SYMPK: variants seen among roughly 807,000 people sequenced by gnomAD.
SYMPK encodes symplekin.
In SYMPK, 49 loss-of-function variants were observed where a neutral mutation model predicts 136.4. The ratio of observed to expected loss-of-function variants is 0.36; its 90% confidence interval spans 0.29 to 0.46. The LOEUF (loss-of-function observed/expected upper bound fraction) is 0.46, where lower values mean the gene tolerates loss of function less well. Among genes scored for constraint, SYMPK ranks in the 20% least tolerant of loss-of-function variants. The pLI is 1.00. For missense variants in SYMPK, 1,365 were observed against 1,690.0 expected (o/e 0.81, Z 3.37); for synonymous variants, 766 against 713.0 (o/e 1.07, Z -1.19).
chr19:45,843,227 T>C (rs945422757), intron 8 of SYMPK, among the ~76,000 whole-genome samples: 6 of 152,166 alleles, frequency 3.9e-5, no homozygotes, highest in African/African-American at 1.4e-4. Flanking sequence ...AGCCATGAAC[T>C]ATGGGGGGCC....
chr19:45,829,966 A>T (rs2146313569), intron 13 of SYMPK, 88 bp downstream of exon 13: 1 of 1,438,030 alleles, frequency 7.0e-7, no homozygotes, highest in African/African-American at 1.4e-5. Context: ...GGGAGGTTTG[A>T]CGCCAGGGCC....
At chr19:45,823,998 T>A in intron 18 of SYMPK, 123 bp from the exon 19 acceptor site, 2 of 527,978 alleles carry the variant, frequency 3.8e-6, no homozygotes, top group East Asian at 4.2e-5. Flanking sequence ...TGACAGGGTT[T>A]GGAGGGCGGG....
intron 1 of SYMPK, among the ~76,000 whole-genome samples, chr19:45,862,786 G>A (rs1383351631): frequency 1.3e-5 from 2 of 152,248 alleles, no homozygotes; most frequent in Non-Finnish European, 2.9e-5. Context: ...GGAACCGAAA[G>A]GCCAGGGCGG....
chr19:45,824,168 G>A (rs763458828), intron 18 of SYMPK: 23 of 344,948 alleles, frequency 6.7e-5, no homozygotes, highest in Non-Finnish European at 1.1e-4. Context: ...TGCCCACCCT[G>A]TGCTTCGTTC....
At chr19:45,820,558 C>T (rs1462678396) in intron 22 of SYMPK, 1 of 152,582 alleles carries the variant, frequency 6.6e-6, no homozygotes, top group East Asian at 1.9e-4. Flanking sequence ...GGACAGCAGT[C>T]TTCTGAGTAT....
At chr19:45,862,327 C>A (rs1971985416) in intron 1 of SYMPK, among the ~76,000 whole-genome samples, 1 of 152,106 alleles carries the variant, frequency 6.6e-6, no homozygotes, top group Non-Finnish European at 1.5e-5. Context: ...GAAGTGGTAC[C>A]CTGCCCCACT....
In SYMPK at chr19:45,815,675, G is replaced by T; in HGVS notation, c.3710C>A (p.Thr1237Asn). ...CTGGGGGCTCCGCTCCTCCTTCAAG[G>T]TCAGCCCGCCCGCTGCCGTCTCCTG... ...LPKETAAGGL[T>N]LKEERSPQTL... Residue 1237 changes from threonine to asparagine, a missense_variant, in exon 27 of 27, where the codon ACC becomes AAC. Coordinates refer to ENST00000245934, the MANE Select transcript of SYMPK (RefSeq NM_004819.3). 6.2e-7 allele frequency: 1 copy of T among 1,610,192 alleles called. No homozygotes were observed. The highest frequency in any genetic ancestry group is 8.5e-7 in the Non-Finnish European group (1 of 1,178,938).
At chr19:45,825,037 A>T in intron 18 of SYMPK, 134 bp downstream of exon 18, 1 of 1,112,152 alleles carries the variant, frequency 9.0e-7, no homozygotes, top group Non-Finnish European at 1.3e-6. Context: ...CAAGCTACAC[A>T]GCCTGGGTCG....
chr19:45,815,639 G>C lies in SYMPK; in HGVS notation c.3746C>G (p.Pro1249Arg), dbSNP rs1204131288. The change falls in exon 27 of 27, where the codon CCT becomes CGT. Residue 1249 changes from proline (P) to arginine (R), a missense_variant. Physicochemically the swap from Pro to Arg is moderately radical, Grantham distance 103. Coordinates refer to ENST00000245934, the MANE Select transcript of SYMPK (RefSeq NM_004819.3). The stretch of plus-strand genomic sequence containing the variant: ...AGTCTTCATAGCATCTTCTCCAACA[G>C]GTGCGAGGGTCTGGGGGCTCCGCTC... ...KEERSPQTLA[P>R]VGEDAMKTPS... 6.2e-7 allele frequency: 1 copy of C among 1,609,842 alleles called. No homozygotes were observed. Among genetic ancestry groups the C allele is most frequent in the Non-Finnish European group, 8.5e-7 (1 of 1,178,946 alleles).
At chr19:45,827,420 G>T in intron 16 of SYMPK, 90 bp downstream of exon 16, 1 of 836,484 alleles carries the variant, frequency 1.2e-6, no homozygotes, top group Non-Finnish European at 2.0e-6. Flanking sequence ...TTGCAAGGGA[G>T]TGTGGAAGAC....
chr19:45,838,901 A>G (rs1383271241), intron 9 of SYMPK, among the ~76,000 whole-genome samples: 1 of 152,012 alleles, frequency 6.6e-6, no homozygotes, highest in Non-Finnish European at 1.5e-5. Flanking sequence ...TATTATTACT[A>G]TTTTTTGAGA....
At chr19:45,860,101 C>T (rs1198976900) in intron 1 of SYMPK, among the ~76,000 whole-genome samples, 1 of 146,848 alleles carries the variant, frequency 6.8e-6, no homozygotes, top group Non-Finnish European at 1.5e-5. Flanking sequence ...ACCTGGGCAA[C>T]AGAGCATGAA....
At chr19:45,827,659 C>CACACTCAGGTGGG in intron 15 of SYMPK, 36 bp from the exon 16 acceptor site, 1 of 1,574,172 alleles carries the variant, frequency 6.4e-7, no homozygotes, top group Non-Finnish European at 8.7e-7. Context: ...GCTCAGCCCA[C>CACACTCAGGTGGG]CTGAGTGTGC....
In SYMPK at chr19:45,852,685, G is replaced by A. The variant is rs1157313989; in HGVS notation, c.172-150C>T. On this transcript the variant is annotated intron_variant, in intron 3 of 26. Coordinates refer to ENST00000245934, the MANE Select transcript of SYMPK (RefSeq NM_004819.3). ...CTGGCTCTGCTTCTCCCTACCAAGG[G>A]TGCTATGCTCTGGGCATGGTCTCTG... 7.3e-6 allele frequency: 7 copies of A among 962,486 alleles called. No individual in the cohort carries two copies. In the East Asian group the frequency reaches 1.8e-4, roughly 25 times the overall value. The allele number at this position is 962,486 out of a possible 1,614,324, so 59.6% of individuals were successfully genotyped here.
chr19:45,832,281 A>G (rs993902421), intron 11 of SYMPK, among the ~76,000 whole-genome samples: 1 of 152,096 alleles, frequency 6.6e-6, no homozygotes, highest in African/African-American at 2.4e-5. Context: ...AGCTGGGATT[A>G]TAGACACCCA....
rs1193623548 is a variant in SYMPK at position 45,828,721 on chromosome 19, C to T, written c.1985+249G>A. On this transcript the variant is annotated intron_variant, in intron 14 of 26. Coordinates refer to ENST00000245934, the MANE Select transcript of SYMPK (RefSeq NM_004819.3). ...GCAGAGAGAGGGAGTGACAAAGCCA[C>T]GCAGAGCAAGCTCAGAGCAAGTGGC... 1.3e-5 allele frequency: 7 copies of T among 553,052 alleles called. 1 individual carries two copies. The highest frequency in any genetic ancestry group is 4.4e-5 in the South Asian group (2 of 45,216). 34.3% of individuals were successfully genotyped at this position (553,052 alleles called of 1,614,324 possible).
chr19:45,838,393 G>C, intron 10 of SYMPK, 68 bp downstream of exon 10: 1 of 1,534,802 alleles, frequency 6.5e-7, no homozygotes, highest in Non-Finnish European at 8.8e-7. Context: ...GTGAAGTGGA[G>C]GCAGGTGAAA....
At position 45,854,158 on chromosome 19, in the gene SYMPK, G is replaced by T. The variant is rs771455140; in HGVS notation, c.171+17C>A. 3 of 1,613,482 alleles carry T rather than the reference G, an allele frequency of 1.9e-6. No individual in the cohort carries two copies. The highest frequency in any genetic ancestry group is 2.2e-5 in the South Asian group (2 of 91,070). ...CCCTTTCACCTGCTCAGCCCAGGAT[G>T]CCCCCCGGGCCCTCACCTGTTTGAG... On this transcript the variant is annotated intron_variant, in intron 3 of 26. Transcript: ENST00000245934.
At position 45,851,787 on chromosome 19, in the gene SYMPK, T is replaced by C. The variant is rs569698387; in HGVS notation, c.299+525A>G. Among the ~76,000 whole-genome samples the C allele has an allele frequency of 4.7e-4, 71 of 152,082 alleles. 1 individual carries two copies. The highest frequency in any genetic ancestry group is 1.6e-3 in the African/African-American group (65 of 41,462). ...TACTTGGGAGGCTGAGGCAGGAGAATAGCTTGAACCCGGAAGTCGGAGGTT... is the reference window on the plus strand; with the variant it reads ...TACTTGGGAGGCTGAGGCAGGAGAACAGCTTGAACCCGGAAGTCGGAGGTT... On this transcript the variant is annotated intron_variant, in intron 5 of 26. Transcript: ENST00000245934.
Sources: gnomAD v4.1 joint callset for allele counts (sites outside exome capture counted in the v4.1 genomes callset) on GRCh38, gnomAD v4.1.1 for gene constraint, MANE v1.5 for transcripts, NCBI Gene and HGNC (gene_info 2026-07-23, HGNC 2026-07-21) for gene names.